SEMA3E: variants seen among roughly 807,000 people sequenced by gnomAD.
SEMA3E encodes the protein semaphorin-3E.
In SEMA3E, 49 loss-of-function variants were observed where a neutral mutation model predicts 93.6. The ratio of observed to expected loss-of-function variants is 0.52; its 90% CI spans 0.42 to 0.66. The LOEUF (loss-of-function observed/expected upper bound fraction) is 0.66, where lower values mean the gene tolerates loss of function less well. Among genes scored for constraint, SEMA3E ranks in the 30% least tolerant of loss-of-function variants. The probability of loss-of-function intolerance (pLI) is 0.00; values close to 1 mark genes in which losing one functional copy is unlikely to be tolerated. For missense variants in SEMA3E, 906 were observed against 964.8 expected, an observed-to-expected ratio of 0.94 and a Z score of 0.81; for synonymous variants, 363 against 330.7, an observed-to-expected ratio of 1.10 and a Z score of -1.06.
intron 1 of SEMA3E, among the ~76,000 whole-genome samples, chr7:83,550,289 T>C (rs908677599): frequency 2.0e-5 from 3 of 152,248 alleles, no homozygotes; most frequent in Admixed American, 6.5e-5. Context: ...CAAATTGTTA[T>C]GATCTTACAA....
intron 11 of SEMA3E, among the ~76,000 whole-genome samples, chr7:83,398,354 A>G (rs1445031965): frequency 1.3e-5 from 2 of 152,184 alleles, no homozygotes; most frequent in Admixed American, 1.3e-4. Flanking sequence ...TTAAAGTAAC[A>G]GAAAAAAACC....
chr7:83,516,945 T>TATATATATA (rs1790940088), intron 1 of SEMA3E, among the ~76,000 whole-genome samples: 2 of 148,550 alleles, frequency 1.3e-5, no homozygotes, highest in Non-Finnish European at 3.0e-5. Context: ...TAGCATATAT[T>TATATATATA]TATATATATA....
chr7:83,459,706 C>T (rs1789569094), intron 4 of SEMA3E, among the ~76,000 whole-genome samples: 1 of 152,168 alleles, frequency 6.6e-6, no homozygotes, highest in East Asian at 1.9e-4. Flanking sequence ...ATCGCATCCC[C>T]TGTGACTTGC....
At chr7:83,614,408 A>G (rs974518092) in intron 1 of SEMA3E, among the ~76,000 whole-genome samples, 8 of 152,150 alleles carry the variant, frequency 5.3e-5, no homozygotes, top group Admixed American at 3.3e-4. Flanking sequence ...GGCATGGCAC[A>G]ATCAGTTATG....
intron 1 of SEMA3E, among the ~76,000 whole-genome samples, chr7:83,500,662 G>A (rs542453065): frequency 7.5e-6 from 1 of 132,602 alleles, no homozygotes; most frequent in Non-Finnish European, 1.5e-5. Context: ...GCATGATCTC[G>A]GCTCACTGCA....
At position 83,469,277 on chromosome 7, in the gene SEMA3E, T is replaced by G; in HGVS notation, c.302A>C (p.Lys101Thr). 1.2e-6 allele frequency: 2 copies of G among 1,611,280 alleles called. No homozygotes were observed. The highest frequency in any genetic ancestry group is 2.2e-5 in the East Asian group (1 of 44,746). ...TCCCTTCATTATGCATTCTTCCATTTTTAGAGCTGTACTCGGCCAGTGTAT... is the reference window on the plus strand; with the variant it reads ...TCCCTTCATTATGCATTCTTCCATTGTTAGAGCTGTACTCGGCCAGTGTAT... ...KEIHWPSTAL[K>T]MEECIMKGKD... is the part of the protein sequence containing the mutation. Residue 101 changes from lysine (K) to threonine (T), a missense_variant, in exon 3 of 17, where the codon AAA becomes ACA. Transcript: ENST00000643230.
intron 4 of SEMA3E, chr7:83,462,078 C>A (rs1285907037): frequency 6.6e-6 from 1 of 152,362 alleles, no homozygotes; most frequent in Non-Finnish European, 1.5e-5. Context: ...CCCTGGAACT[C>A]TGGCCCAAGG....
At chr7:83,463,828 C>A (rs1251712940) in intron 4 of SEMA3E, among the ~76,000 whole-genome samples, 1 of 152,188 alleles carries the variant, frequency 6.6e-6, no homozygotes, top group African/African-American at 2.4e-5. Flanking sequence ...ATTATTCAGG[C>A]CCCCTCCCTT....
chr7:83,523,655 C>A (rs918349730), intron 1 of SEMA3E, among the ~76,000 whole-genome samples: 1 of 151,992 alleles, frequency 6.6e-6, no homozygotes, highest in Admixed American at 6.6e-5. Context: ...TGGCCAATCA[C>A]CCTGTCTCCT....
intron 16 of SEMA3E, among the ~76,000 whole-genome samples, chr7:83,376,991 A>T (rs1787656460): frequency 6.6e-6 from 1 of 151,910 alleles, no homozygotes; most frequent in African/African-American, 2.4e-5. Context: ...CACCACCCCA[A>T]AATAGGCATA....
chr7:83,451,704 C>G (rs1192374446), intron 4 of SEMA3E, among the ~76,000 whole-genome samples: 1 of 152,228 alleles, frequency 6.6e-6, no homozygotes, highest in Non-Finnish European at 1.5e-5. Flanking sequence ...GGGGCTCCAA[C>G]TACTTAGCAC....
intron 1 of SEMA3E, among the ~76,000 whole-genome samples, chr7:83,542,995 C>CTG (rs142341648): frequency 0.22 from 33,450 of 151,872 alleles, 3,849 homozygotes; most frequent in East Asian, 0.39. Context: ...TATGTACAGA[C>CTG]TAAAAAAAGT....
intron 16 of SEMA3E, among the ~76,000 whole-genome samples, chr7:83,369,313 C>G (rs1562747714): frequency 6.6e-6 from 1 of 152,168 alleles, no homozygotes; most frequent in Non-Finnish European, 1.5e-5. Context: ...CCAGACTCAG[C>G]TCTTTCCTGC....
intron 4 of SEMA3E, among the ~76,000 whole-genome samples, chr7:83,437,251 A>G (rs184243381): frequency 3.9e-5 from 6 of 152,304 alleles, no homozygotes; most frequent in Admixed American, 3.9e-4. Context: ...TAATAATAAT[A>G]AAGTTTGATT....
chr7:83,445,065 G>A lies in SEMA3E; in HGVS notation c.456+21417C>T, dbSNP rs1032176461. On this transcript the variant is annotated intron_variant, in intron 4 of 16. Transcript: ENST00000643230. Reference sequence around the variant, plus strand: ...TACTAACACTGTCAGATGCAGCAAGGAAGCAGTGGAGGAAAATGAGTTAAG... The same window carrying A: ...TACTAACACTGTCAGATGCAGCAAGAAAGCAGTGGAGGAAAATGAGTTAAG... 2.6e-5 allele frequency among the ~76,000 whole-genome samples: 4 copies of A among 152,184 alleles called. No homozygotes were observed. In the East Asian group the frequency reaches 7.7e-4, roughly 29 times the overall value.
At chr7:83,414,389 ATT>A (rs1788501783) in intron 5 of SEMA3E, among the ~76,000 whole-genome samples, 1 of 152,004 alleles carries the variant, frequency 6.6e-6, no homozygotes, top group South Asian at 2.1e-4. Context: ...AATAACTTAA[ATT>A]TTCTCTGCAT....
At chr7:83,391,659 T>G (rs1788021081) in intron 14 of SEMA3E, among the ~76,000 whole-genome samples, 1 of 152,118 alleles carries the variant, frequency 6.6e-6, no homozygotes, top group Admixed American at 6.6e-5. Context: ...ACAAAAGTTT[T>G]GAATTAGTGA....
At position 83,596,715 on chromosome 7, in the gene SEMA3E, A is replaced by T. The variant is rs534642097; in HGVS notation, c.115+51713T>A. ...TATTCATCATTCTACTAGACATAGG[A>T]TCTCTTTTTATTGAAGCCCCAATCT... On this transcript the variant is annotated intron_variant, in intron 1 of 16. Coordinates refer to ENST00000643230, the MANE Select transcript of SEMA3E (RefSeq NM_012431.3). Among the ~76,000 whole-genome samples the T allele has an allele frequency of 2.6e-5, 4 of 151,978 alleles. No homozygotes were observed. In the South Asian group the frequency reaches 8.3e-4, roughly 32 times the overall value.
chr7:83,487,270 T>G (rs1187090453), intron 2 of SEMA3E, among the ~76,000 whole-genome samples: 1 of 152,116 alleles, frequency 6.6e-6, no homozygotes, highest in Non-Finnish European at 1.5e-5. Flanking sequence ...AAAATTGTTA[T>G]TAAATTTTGT....
Sources: allele counts gnomAD v4.1 joint callset (sites outside exome capture counted in the v4.1 genomes callset), GRCh38; gene constraint gnomAD v4.1.1; transcripts MANE v1.5; gene names NCBI Gene and HGNC (gene_info 2026-07-23, HGNC 2026-07-21).